The following VAPB variants were observed in gnomAD, a reference collection of about 807,000 sequenced individuals.
VAPB encodes the protein VAMP associated protein B and C.
Under a neutral mutation model 25.6 loss-of-function variants are expected in VAPB, and 7 were observed. That is an observed-to-expected ratio of 0.27 (90% confidence interval 0.16 to 0.51). The LOEUF (loss-of-function observed/expected upper bound fraction) is 0.51, where lower values mean the gene tolerates loss of function less well. Ranked by LOEUF, VAPB falls within the 20% of genes least tolerant of loss-of-function variation. The probability of loss-of-function intolerance (pLI) is 0.97; values close to 1 mark genes in which losing one functional copy is unlikely to be tolerated. For synonymous variants in VAPB, 112 were observed against 109.2 expected (o/e 1.03, Z -0.16); for missense variants, 266 against 301.3 (o/e 0.88, Z 0.87).
intron 1 of VAPB, among the ~76,000 whole-genome samples, chr20:58,405,315 C>T (rs1412845967): frequency 1.3e-5 from 2 of 151,990 alleles, no homozygotes; most frequent in Non-Finnish European, 2.9e-5. Flanking sequence ...GCAAGGTATG[C>T]CTGTGCTAGA....
chr20:58,448,463 A>T lies in VAPB; in HGVS notation c.*4228A>T. 1 of 454,114 alleles carries T rather than the reference A, an allele frequency of 2.2e-6. No individual in the cohort carries two copies. 28.1% of individuals were successfully genotyped at this position (454,114 alleles called of 1,614,324 possible). On this transcript the variant is annotated 3_prime_UTR_variant, in exon 6 of 6. Coordinates refer to ENST00000475243, the MANE Select transcript of VAPB (RefSeq NM_004738.5). ...TTCGCTCATTGAACTTAATCCTTGC[A>T]ACTGTGACTGGGGGGTAGATGGCTC... is the stretch of plus-strand genomic sequence containing the variant.
rs541050251 is a variant in VAPB at position 58,443,829 on chromosome 20, T to C, written c.574-248T>C. Reference sequence around the variant, plus strand: ...TCACGGGAAACCAAGGAGCACCCTGTTTAGATGTCTGTTGTAACTAGCAGC... The same window carrying C: ...TCACGGGAAACCAAGGAGCACCCTGCTTAGATGTCTGTTGTAACTAGCAGC... On this transcript the variant is annotated intron_variant, in intron 5 of 5. Transcript: ENST00000475243. 2.0e-5 allele frequency among the ~76,000 whole-genome samples: 3 copies of C among 152,158 alleles called. No individual in the cohort carries two copies. In the South Asian group the frequency reaches 6.2e-4, roughly 32 times the overall value.
chr20:58,404,294 C>G (rs1410307652), intron 1 of VAPB, among the ~76,000 whole-genome samples: 1 of 152,202 alleles, frequency 6.6e-6, no homozygotes, highest in African/African-American at 2.4e-5. Flanking sequence ...CCAGCCTCAG[C>G]TTCTTTCACC....
chr20:58,395,635 G>A (rs1307888332), intron 1 of VAPB, among the ~76,000 whole-genome samples: 1 of 152,154 alleles, frequency 6.6e-6, no homozygotes, highest in Non-Finnish European at 1.5e-5. Context: ...AAAGCCTTTT[G>A]CGTTATTTTG....
intron 2 of VAPB, chr20:58,430,978 A>G (rs1988915205): frequency 6.6e-6 from 1 of 152,218 alleles, no homozygotes; most frequent in Non-Finnish European, 1.5e-5. Flanking sequence ...AATGCATATG[A>G]AGAAAAACTG....
At chr20:58,443,956 C>A (rs915115723) in intron 5 of VAPB, 121 bp from the exon 6 acceptor site, 1 of 1,421,190 alleles carries the variant, frequency 7.0e-7, no homozygotes, top group Non-Finnish European at 9.8e-7. Flanking sequence ...TTGCAAAATG[C>A]GGTTGGACCA....
At chr20:58,422,239 T>TA (rs549372671) in intron 2 of VAPB, among the ~76,000 whole-genome samples, 65 of 152,274 alleles carry the variant, frequency 4.3e-4, no homozygotes, top group African/African-American at 1.4e-3. Flanking sequence ...ACATGGTAGA[T>TA]AGGGGGTGCA....
At chr20:58,419,292 T>TA in intron 2 of VAPB, among the ~76,000 whole-genome samples, 1 of 152,218 alleles carries the variant, frequency 6.6e-6, no homozygotes, top group African/African-American at 2.4e-5. Context: ...TTTGGAAAGA[T>TA]ATAAGGTGTT....
chr20:58,425,660 G>GTA (rs997585802), intron 2 of VAPB, among the ~76,000 whole-genome samples: 1 of 152,148 alleles, frequency 6.6e-6, no homozygotes, highest in Admixed American at 6.5e-5. Context: ...GTGTTAGGAG[G>GTA]TATAGTACAG....
intron 2 of VAPB, among the ~76,000 whole-genome samples, chr20:58,419,103 T>C (rs1787600465): frequency 6.6e-6 from 1 of 152,228 alleles, no homozygotes; most frequent in South Asian, 2.1e-4. Context: ...AAGAAGGAGC[T>C]GTGGGGGAGT....
chr20:58,443,493 C>A (rs775673689), intron 5 of VAPB, among the ~76,000 whole-genome samples: 29 of 148,886 alleles, frequency 1.9e-4, no homozygotes, highest in Admixed American at 1.3e-4. Context: ...ACCATGTTGA[C>A]CAAGGGGTAG....
intron 2 of VAPB, among the ~76,000 whole-genome samples, chr20:58,425,288 G>C (rs1220323050): frequency 6.6e-6 from 1 of 152,196 alleles, no homozygotes; most frequent in East Asian, 1.9e-4. Flanking sequence ...GCCCTGTCTT[G>C]CCCTCTTGGA....
At chr20:58,426,147 C>T (rs1349768749) in intron 2 of VAPB, among the ~76,000 whole-genome samples, 2 of 152,194 alleles carry the variant, frequency 1.3e-5, no homozygotes, top group African/African-American at 4.8e-5. Flanking sequence ...CTGCCTACCT[C>T]GGCCTCCCAA....
intron 2 of VAPB, among the ~76,000 whole-genome samples, chr20:58,430,475 G>A (rs2123081717): frequency 6.6e-6 from 1 of 152,172 alleles, no homozygotes; most frequent in East Asian, 1.9e-4. Flanking sequence ...GGCCAGGCTG[G>A]TCACAGACTC....
intron 2 of VAPB, among the ~76,000 whole-genome samples, chr20:58,425,209 T>A (rs1055614110): frequency 6.6e-6 from 1 of 152,198 alleles, no homozygotes; most frequent in African/African-American, 2.4e-5. Context: ...GAGGACAGTC[T>A]TTCTCTATGC....
At position 58,435,026 on chromosome 20, in the gene VAPB, C is replaced by T. The variant is rs933089929; in HGVS notation, c.315+321C>T. Among the ~76,000 whole-genome samples the T allele has an allele frequency of 4.6e-5, 7 of 152,004 alleles. No homozygotes were observed. In the South Asian group the frequency reaches 6.2e-4, roughly 14 times the overall value. ...CTTCTTTCGCCTCTCCTTTCTGCCC[C>T]GACAGAAAAGGATACTTTTCATTGT... On this transcript the variant is annotated intron_variant, in intron 3 of 5. Transcript: ENST00000475243.
intron 1 of VAPB, among the ~76,000 whole-genome samples, chr20:58,411,037 A>G (rs1032381740): frequency 6.6e-6 from 1 of 152,216 alleles, no homozygotes; most frequent in Admixed American, 6.5e-5. Context: ...TTACTTGGGT[A>G]AATACCAAGG....
intron 1 of VAPB, among the ~76,000 whole-genome samples, chr20:58,404,107 C>T (rs974134463): frequency 2.0e-5 from 3 of 152,182 alleles, no homozygotes; most frequent in South Asian, 2.1e-4. Context: ...CTGCTTCTCT[C>T]ACCCTTTGGA....
At chr20:58,424,119 C>T (rs1381186757) in intron 2 of VAPB, among the ~76,000 whole-genome samples, 5 of 152,130 alleles carry the variant, frequency 3.3e-5, no homozygotes, top group Admixed American at 1.3e-4. Flanking sequence ...CAACTCTGTA[C>T]AGCATAACTG....
Sources: allele counts gnomAD v4.1 joint callset (sites outside exome capture counted in the v4.1 genomes callset), GRCh38; gene constraint gnomAD v4.1.1; transcripts MANE v1.5; gene names NCBI Gene and HGNC (gene_info 2026-07-23, HGNC 2026-07-21).